Variants in GCH1 observed in about 807,000 individuals in gnomAD.
GCH1 encodes the protein GTP cyclohydrolase I.
A neutral mutation model predicts 25.9 loss-of-function variants in GCH1; 5 were observed. The ratio of observed to expected loss-of-function variants is 0.19; its 90% CI spans 0.10 to 0.41. The LOEUF (loss-of-function observed/expected upper bound fraction) is 0.41. Among genes scored for constraint, GCH1 ranks in the 10% least tolerant of loss-of-function variants. The probability of loss-of-function intolerance (pLI) is 1.00; values close to 1 mark genes in which losing one functional copy is unlikely to be tolerated. For missense variants in GCH1, 261 were observed against 336.5 expected, an observed-to-expected ratio of 0.78 and a Z score of 1.75; for synonymous variants, 159 against 129.6, an observed-to-expected ratio of 1.23 and a Z score of -1.54.
Position 54,871,555 on chromosome 14 carries a change from A to G in GCH1, c.344-6119T>C, listed in dbSNP as rs535781260. Among the ~76,000 whole-genome samples the G allele has an allele frequency of 3.9e-5, 6 of 152,356 alleles. No individual in the cohort carries two copies. In the South Asian group the frequency reaches 8.3e-4, roughly 21 times the overall value. On this transcript the variant is annotated intron_variant, in intron 1 of 5. Coordinates refer to ENST00000491895, the MANE Select transcript of GCH1 (RefSeq NM_000161.3). ...TCAGACGAACAAACTACTCCAAGCT[A>G]AAGGAGGAATTTCGAACCCATGGCA... is the stretch of plus-strand genomic sequence containing the variant.
intron 3 of GCH1, among the ~76,000 whole-genome samples, chr14:54,854,976 AT>A (rs569319915): frequency 6.5e-4 from 99 of 152,314 alleles, no homozygotes; most frequent in South Asian, 2.3e-3. Context: ...ATCAAGTTCC[AT>A]ACTAGTAATT....
At chr14:54,901,790 G>A (rs550554791) in intron 1 of GCH1, among the ~76,000 whole-genome samples, 17 of 152,112 alleles carry the variant, frequency 1.1e-4, no homozygotes, top group African/African-American at 3.6e-4. Flanking sequence ...ACAACTCTAA[G>A]ACTCCGATCC....
chr14:54,848,783 G>A (rs967225457), intron 3 of GCH1, among the ~76,000 whole-genome samples: 1 of 152,104 alleles, frequency 6.6e-6, no homozygotes, highest in African/African-American at 2.4e-5. Context: ...GGATATTGAA[G>A]AAATATATTA....
At chr14:54,897,199 G>A (rs750231214) in intron 1 of GCH1, among the ~76,000 whole-genome samples, 16 of 150,322 alleles carry the variant, frequency 1.1e-4, no homozygotes, top group Admixed American at 2.7e-4. Flanking sequence ...TAGTAGAGAC[G>A]GGGTTCTTGA....
At chr14:54,858,289 T>C (rs1375583339) in intron 3 of GCH1, among the ~76,000 whole-genome samples, 1 of 152,146 alleles carries the variant, frequency 6.6e-6, no homozygotes, top group Non-Finnish European at 1.5e-5. Flanking sequence ...CCTCTTCTTT[T>C]ATTTTTATTT....
chr14:54,844,529 G>A (rs550048649), intron 5 of GCH1, among the ~76,000 whole-genome samples: 1 of 152,342 alleles, frequency 6.6e-6, no homozygotes, highest in South Asian at 2.1e-4. Context: ...ATTCTCACTT[G>A]CTCTGCCTTC....
At chr14:54,856,548 G>A (rs948346814) in intron 3 of GCH1, among the ~76,000 whole-genome samples, 2 of 152,142 alleles carry the variant, frequency 1.3e-5, no homozygotes, top group African/African-American at 4.8e-5. Context: ...CGCCTCCCAG[G>A]TTCAAGCGAT....
chr14:54,878,587 A>G (rs1259111272), intron 1 of GCH1, among the ~76,000 whole-genome samples: 1 of 152,140 alleles, frequency 6.6e-6, no homozygotes, highest in Non-Finnish European at 1.5e-5. Context: ...TCGTAGTACC[A>G]TGGTTATTTG....
At chr14:54,898,431 T>C (rs112079213) in intron 1 of GCH1, among the ~76,000 whole-genome samples, 10 of 152,212 alleles carry the variant, frequency 6.6e-5, no homozygotes, top group African/African-American at 2.4e-4. Context: ...CTGTAAACTT[T>C]ATAAACACTG....
At chr14:54,865,636 C>G (rs1354197938) in intron 1 of GCH1, among the ~76,000 whole-genome samples, 200 bp from the exon 2 acceptor site, 4 of 152,034 alleles carry the variant, frequency 2.6e-5, no homozygotes, top group African/African-American at 7.3e-5. Context: ...ATCCTTGATA[C>G]AGTGTTACAT....
chr14:54,882,881 G>A (rs572077055), intron 1 of GCH1, among the ~76,000 whole-genome samples: 15 of 152,270 alleles, frequency 9.9e-5, no homozygotes, highest in African/African-American at 2.9e-4. Context: ...ATCTTCCTTC[G>A]CAACAGGGGT....
chr14:54,867,934 G>A (rs2040012726), intron 1 of GCH1, among the ~76,000 whole-genome samples: 1 of 152,216 alleles, frequency 6.6e-6, no homozygotes, highest in African/African-American at 2.4e-5. Flanking sequence ...AAACCTGGCA[G>A]AGGCTACCTT....
chr14:54,876,610 G>A (rs1240756126), intron 1 of GCH1, among the ~76,000 whole-genome samples: 2 of 152,110 alleles, frequency 1.3e-5, no homozygotes, highest in Non-Finnish European at 2.9e-5. Context: ...GCTGCAGTGA[G>A]CTATGATTAC....
intron 1 of GCH1, chr14:54,885,249 T>C (rs374124321): frequency 9.3e-6 from 2 of 214,112 alleles, no homozygotes; most frequent in South Asian, 1.3e-4. Context: ...GCCATAGACA[T>C]GGCTGCAGCT....
rs77166118 is a variant in GCH1, at chr14:54,891,713, A to C, written c.343+10608T>G. Reference sequence around the variant, plus strand: ...GCATGAGCCATCGCATCCAGCCAACAATTCATAAGTTTTAAAATGCACGCT... The same window carrying C: ...GCATGAGCCATCGCATCCAGCCAACCATTCATAAGTTTTAAAATGCACGCT... On this transcript the variant is annotated intron_variant, in intron 1 of 5. Transcript: ENST00000491895. Among the ~76,000 whole-genome samples the C allele has an allele frequency of 6.4e-3, 982 of 152,280 alleles. 86 individuals carry two copies. The East Asian group carries it at 0.15, about 24-fold the overall frequency.
intron 1 of GCH1, among the ~76,000 whole-genome samples, chr14:54,895,821 C>G (rs1367182858): frequency 1.3e-5 from 2 of 152,150 alleles, no homozygotes; most frequent in Non-Finnish European, 2.9e-5. Context: ...TCTCCTCCAG[C>G]CCTCCCTCCT....
intron 5 of GCH1, among the ~76,000 whole-genome samples, chr14:54,844,392 T>C (rs990654404): frequency 6.6e-5 from 10 of 152,252 alleles, no homozygotes; most frequent in African/African-American, 2.4e-4. Flanking sequence ...GTCTTGCAAC[T>C]TTTATTTTTA....
intron 1 of GCH1, among the ~76,000 whole-genome samples, chr14:54,890,313 CA>C (rs1566681670): frequency 2.0e-5 from 3 of 152,226 alleles, no homozygotes; most frequent in Admixed American, 6.5e-5. Context: ...GCCTGACCCA[CA>C]CGGAGAAACC....
chr14:54,896,164 T>C (rs1270531151), intron 1 of GCH1, among the ~76,000 whole-genome samples: 1 of 152,190 alleles, frequency 6.6e-6, no homozygotes, highest in African/African-American at 2.4e-5. Context: ...TACAGATATA[T>C]AAAAGATATA....
Sources: allele counts gnomAD v4.1 joint callset (sites outside exome capture counted in the v4.1 genomes callset), GRCh38; gene constraint gnomAD v4.1.1; transcripts MANE v1.5; gene names NCBI Gene and HGNC (gene_info 2026-07-23, HGNC 2026-07-21).